IFNE: variants seen among roughly 807,000 people sequenced by gnomAD.
The protein encoded by IFNE is interferon epsilon.
For synonymous variants in IFNE, 94 were observed against 87.4 expected, an observed-to-expected ratio of 1.08 and a Z score of -0.42; for missense variants, 276 against 232.4, an observed-to-expected ratio of 1.19 and a Z score of -1.22.
rs1459670436 is a variant in IFNE, at chr9:21,481,210, G to T, written c.485C>A (p.Thr162Asn). Residue 162 changes from threonine to asparagine, a missense_variant, in exon 1 of 1, where the codon ACC becomes AAC. Thr to Asn is a moderately conservative substitution (Grantham distance 65). Transcript: ENST00000448696. ...TACTTGGACAATGGCCCAGGCACAG[G>T]TGCTGTAGTCCTGGTTTTCCAGGTA... ...HDYLENQDYSTCAWAIVQVEI... is the reference protein window; with the variant it reads ...HDYLENQDYSNCAWAIVQVEI... 7 of 1,614,012 alleles carry T rather than the reference G, an allele frequency of 4.3e-6. No homozygotes were observed. The highest frequency in any genetic ancestry group is 3.3e-5 in the South Asian group (3 of 91,086).
Position 21,481,557 on chromosome 9 carries a change from T to G in IFNE, c.138A>C (p.Gln46His), listed in dbSNP as rs1125488. The change falls in exon 1 of 1, where the codon CAA becomes CAC. Residue 46 changes from glutamine to histidine, a missense_variant. By Grantham distance (24) the Gln-to-His change is conservative. Coordinates refer to ENST00000448696, the MANE Select transcript of IFNE (RefSeq NM_176891.5). The part of the protein sequence containing the change: ...QESLKLLNKL[Q>H]TLSIQQCLPH... ...GTAGACACTGCTGAATTGACAAGGT[T>G]TGCAACTTATTCAAGAGTTTTAAAC... 0.069 allele frequency: 111,231 copies of G among 1,613,856 alleles called. 4,211 individuals carry two copies. The highest frequency in any genetic ancestry group is 0.12 in the Admixed American group (6,955 of 60,024).
In IFNE at chr9:21,480,983, A is replaced by C. The variant is rs1288609914; in HGVS notation, c.*85T>G. 1.8e-6 allele frequency: 2 copies of C among 1,105,462 alleles called. No homozygotes were observed. The highest frequency in any genetic ancestry group is 2.4e-5 in the Admixed American group (1 of 41,258). 68.5% of individuals were successfully genotyped at this position (1,105,462 alleles called of 1,614,324 possible). A position where few individuals can be genotyped will look rare whatever the true frequency, so the allele number is the denominator to read the frequency against. The stretch of plus-strand genomic sequence containing the variant: ...AACACAGATAAATATATATATACAC[A>C]AAATCAAAGCAATGTGATTGTACTA... On this transcript the variant is annotated 3_prime_UTR_variant, in exon 1 of 1. Coordinates refer to ENST00000448696, the MANE Select transcript of IFNE (RefSeq NM_176891.5).
chr9:21,481,845 AT>A lies in IFNE; in HGVS notation c.-152del, dbSNP rs1455907285. On this transcript the variant is annotated 5_prime_UTR_variant, in exon 1 of 1. It adds an upstream start codon to the 5' untranslated region. Coordinates refer to ENST00000448696, the MANE Select transcript of IFNE (RefSeq NM_176891.5). ...TAATGTCATTTCTCCAAGTTTACAC[AT>A]TAGATTTTCAGGTTCCCTTTTCATG... The A allele has an allele frequency of 2.8e-6, 2 of 705,452 alleles. No homozygotes were observed. The highest frequency in any genetic ancestry group is 3.6e-5 in the African/African-American group (2 of 55,272). 43.7% of individuals were successfully genotyped at this position (705,452 alleles called of 1,614,324 possible). A position where few individuals can be genotyped will look rare whatever the true frequency, so the allele number is the denominator to read the frequency against.
chr9:21,481,493 T>C lies in IFNE; in HGVS notation c.202A>G (p.Ser68Gly), dbSNP rs1190766122. 2 of 1,614,000 alleles carry C rather than the reference T, an allele frequency of 1.2e-6. No homozygotes were observed. Among genetic ancestry groups the C allele is most frequent in the Admixed American group, 1.7e-5 (1 of 60,004 alleles). Reference sequence around the variant, plus strand: ...TGTCCTTTTTGGTACTGCTGAGGACTCAAAGACTTCTGAGGAAGCAGAAAG... The same window carrying C: ...TGTCCTTTTTGGTACTGCTGAGGACCCAAAGACTTCTGAGGAAGCAGAAAG... ...KNFLLPQKSL[S>G]PQQYQKGHTL... Residue 68 changes from serine (S) to glycine (G), a missense_variant, in exon 1 of 1, where the codon AGT becomes GGT. Physicochemically the swap from Ser to Gly is moderately conservative, Grantham distance 56 (BLOSUM62 0). Transcript: ENST00000448696.
rs960847236 is a variant in IFNE at position 21,481,661 on chromosome 9, C to G, written c.34G>C (p.Val12Leu). 2 of 1,613,506 alleles carry G rather than the reference C, an allele frequency of 1.2e-6. No homozygotes were observed. The highest frequency in any genetic ancestry group is 1.7e-5 in the Admixed American group (1 of 59,968). ...IIKHFFGTVL[V>L]LLASTTIFSL... ...AAGATAGTGGTAGAGGCCAGCAGCACCAACACAGTTCCAAAGAAGTGCTTG... is the reference window on the plus strand; with the variant it reads ...AAGATAGTGGTAGAGGCCAGCAGCAGCAACACAGTTCCAAAGAAGTGCTTG... Residue 12 changes from valine to leucine, a missense_variant, in exon 1 of 1, where the codon GTG becomes CTG. Physicochemically the swap from Val to Leu is conservative, Grantham distance 32. Coordinates refer to ENST00000448696, the MANE Select transcript of IFNE (RefSeq NM_176891.5).
rs150786828 is a variant in IFNE, at chr9:21,481,209, G to C, written c.486C>G (p.Thr162=). Residue 162 remains threonine (T), a synonymous_variant, in exon 1 of 1, where the codon ACC becomes ACG. Coordinates refer to ENST00000448696, the MANE Select transcript of IFNE (RefSeq NM_176891.5). ...HDYLENQDYS[T]CAWAIVQVEI... ...CTACTTGGACAATGGCCCAGGCACAGGTGCTGTAGTCCTGGTTTTCCAGGT... is the reference window on the plus strand; with the variant it reads ...CTACTTGGACAATGGCCCAGGCACACGTGCTGTAGTCCTGGTTTTCCAGGT... 1 of 1,614,154 alleles carries C rather than the reference G, an allele frequency of 6.2e-7. No individual in the cohort carries two copies. Among genetic ancestry groups the C allele is most frequent in the Admixed American group, 1.7e-5 (1 of 60,026 alleles).
Position 21,480,968 on chromosome 9 carries a change from A to AAT in IFNE, c.*98_*99dup, listed in dbSNP as rs1489487285. Reference sequence around the variant, plus strand: ...TATGCACAATCTTAAAACACAGATAAATATATATATACACAAAATCAAAGC... The same window carrying AAT: ...TATGCACAATCTTAAAACACAGATAAATATATATATATACACAAAATCAAAGC... On this transcript the variant is annotated 3_prime_UTR_variant, in exon 1 of 1. Transcript: ENST00000448696. 29 of 935,628 alleles carry AAT rather than the reference A, an allele frequency of 3.1e-5. No homozygotes were observed. Among genetic ancestry groups the AAT allele is most frequent in the East Asian group, 9.9e-5 (4 of 40,348 alleles). 58.0% of individuals were successfully genotyped at this position (935,628 alleles called of 1,614,324 possible). A position where few individuals can be genotyped will look rare whatever the true frequency, so the allele number is the denominator to read the frequency against.
In IFNE at chr9:21,481,271, A is replaced by G. The variant is rs1285591420; in HGVS notation, c.424T>C (p.Leu142=). 2 of 1,614,096 alleles carry G rather than the reference A, an allele frequency of 1.2e-6. No homozygotes were observed. The highest frequency in any genetic ancestry group is 1.3e-5 in the African/African-American group (1 of 75,036). ...CTTCGGAAGTACATTTTAACTTGTA[A>G]TCTAAGGTTATCACTACCCAAAGTA... ...SGTLGSDNLR[L]QVKMYFRRIH... The change falls in exon 1 of 1, where the codon TTA becomes CTA. Residue 142 remains leucine (L), a synonymous_variant. Transcript: ENST00000448696.
chr9:21,481,195 A>G lies in IFNE; in HGVS notation c.500T>C (p.Ile167Thr). Reference protein sequence around the residue: ...NQDYSTCAWAIVQVEISRCLF... With the variant: ...NQDYSTCAWATVQVEISRCLF... The stretch of plus-strand genomic sequence containing the variant: ...ACATCGGCTGATTTCTACTTGGACA[A>G]TGGCCCAGGCACAGGTGCTGTAGTC... The change falls in exon 1 of 1, where the codon ATT (isoleucine) becomes ACT (threonine). Residue 167 changes from isoleucine to threonine, a missense_variant. Coordinates refer to ENST00000448696, the MANE Select transcript of IFNE (RefSeq NM_176891.5). 6.2e-7 allele frequency: 1 copy of G among 1,614,156 alleles called. No individual in the cohort carries two copies. Among genetic ancestry groups the G allele is most frequent in the East Asian group, 2.2e-5 (1 of 44,882 alleles).
At position 21,480,975 on chromosome 9, in the gene IFNE, A is replaced by G; in HGVS notation, c.*93T>C. The G allele has an allele frequency of 2.0e-6, 2 of 984,468 alleles. No homozygotes were observed. Among genetic ancestry groups the G allele is most frequent in the South Asian group, 1.7e-5 (1 of 59,474 alleles). The allele number at this position is 984,468 out of a possible 1,614,324, so 61.0% of individuals were successfully genotyped here. On this transcript the variant is annotated 3_prime_UTR_variant, in exon 1 of 1. Transcript: ENST00000448696. ...AATCTTAAAACACAGATAAATATAT[A>G]TATACACAAAATCAAAGCAATGTGA...
In IFNE at chr9:21,481,218, G is replaced by T. The variant is rs1315819808; in HGVS notation, c.477C>A (p.Asp159Glu). 1 of 1,614,166 alleles carries T rather than the reference G, an allele frequency of 6.2e-7. No individual in the cohort carries two copies. The highest frequency in any genetic ancestry group is 1.1e-5 in the South Asian group (1 of 91,084). ...CAATGGCCCAGGCACAGGTGCTGTAGTCCTGGTTTTCCAGGTAATCATGGA... is the reference window on the plus strand; with the variant it reads ...CAATGGCCCAGGCACAGGTGCTGTATTCCTGGTTTTCCAGGTAATCATGGA... ...RRIHDYLENQ[D>E]YSTCAWAIVQ... The change falls in exon 1 of 1, where the codon GAC becomes GAA. Residue 159 changes from aspartate to glutamate, a missense_variant. Transcript: ENST00000448696.
At chr9:21,481,494 C>CA in the IFNE span, 1 of 1,614,062 alleles carries the variant, frequency 6.2e-7, no homozygotes, top group Admixed American at 1.7e-5. Context: ...GCTGAGGACT[C>CA]AAAGACTTCT....
chr9:21,481,560 C>T lies in IFNE; in HGVS notation c.135G>A (p.Leu45=), dbSNP rs1398246736. ...GACACTGCTGAATTGACAAGGTTTG[C>T]AACTTATTCAAGAGTTTTAAACTTT... is the stretch of plus-strand genomic sequence containing the variant. ...NQESLKLLNK[L]QTLSIQQCLP... is the part of the protein sequence containing the mutation. Residue 45 remains leucine (L), a synonymous_variant, in exon 1 of 1, where the codon TTG becomes TTA. Transcript: ENST00000448696. 9 of 1,614,126 alleles carry T rather than the reference C, an allele frequency of 5.6e-6. No homozygotes were observed. The highest frequency in any genetic ancestry group is 7.6e-6 in the Non-Finnish European group (9 of 1,180,010).
Position 21,480,855 on chromosome 9 carries a change from T to C in IFNE, c.*213A>G, listed in dbSNP as rs916546885. 1 of 441,298 alleles carries C rather than the reference T, an allele frequency of 2.3e-6. No homozygotes were observed. Among genetic ancestry groups the C allele is most frequent in the Non-Finnish European group, 4.0e-6 (1 of 252,458 alleles). 27.3% of individuals were successfully genotyped at this position (441,298 alleles called of 1,614,324 possible). On this transcript the variant is annotated 3_prime_UTR_variant, in exon 1 of 1. Transcript: ENST00000448696. The stretch of plus-strand genomic sequence containing the variant: ...ATACACCCATTTGAAGAATCAACCA[T>C]ATTAATGAATTTATTTTGACATACA...
Position 21,481,788 on chromosome 9 carries a change from GGA to G in IFNE, c.-96_-95del. ...CCTTTCATGCATCTCAGATTATTTT[GGA>G]GAGTGTTCTCTTTTGTTGCTTTCGT... is the stretch of plus-strand genomic sequence containing the variant. On this transcript the variant is annotated 5_prime_UTR_variant, in exon 1 of 1. The change abolishes the stop of an existing upstream ORF in the 5' untranslated region. Transcript: ENST00000448696. 8.7e-7 allele frequency: 1 copy of G among 1,154,762 alleles called. No individual in the cohort carries two copies. Among genetic ancestry groups the G allele is most frequent in the Non-Finnish European group, 1.2e-6 (1 of 809,644 alleles). The allele number at this position is 1,154,762 out of a possible 1,614,324, so 71.5% of individuals were successfully genotyped here.
rs921860445 is a variant in IFNE at position 21,481,648 on chromosome 9, G to A, written c.47C>T (p.Ser16Phe). Residue 16 changes from serine (S) to phenylalanine (F), a missense_variant, in exon 1 of 1, where the codon TCT becomes TTT. By Grantham distance (155) the Ser-to-Phe change is radical. Coordinates refer to ENST00000448696, the MANE Select transcript of IFNE (RefSeq NM_176891.5). ...FFGTVLVLLASTTIFSLDLKL... is the reference protein window; with the variant it reads ...FFGTVLVLLAFTTIFSLDLKL... ...CAAATCTAGAGAGAAGATAGTGGTA[G>A]AGGCCAGCAGCACCAACACAGTTCC... 1 of 1,613,876 alleles carries A rather than the reference G, an allele frequency of 6.2e-7. No individual in the cohort carries two copies. Among genetic ancestry groups the A allele is most frequent in the African/African-American group, 1.3e-5 (1 of 74,930 alleles).
At position 21,481,744 on chromosome 9, in the gene IFNE, C is replaced by T. The variant is rs1195664605; in HGVS notation, c.-50G>A. ...TCCCTGCATAGACTTAGGGAAATTC[C>T]AGCTCTAGTGAATGTTTGCCTTTCA... On this transcript the variant is annotated 5_prime_UTR_variant, in exon 1 of 1. Transcript: ENST00000448696. The T allele has an allele frequency of 6.6e-7, 1 of 1,506,370 alleles. No individual in the cohort carries two copies. Among genetic ancestry groups the T allele is most frequent in the Non-Finnish European group, 9.0e-7 (1 of 1,114,680 alleles). 93.3% of individuals were successfully genotyped at this position (1,506,370 alleles called of 1,614,324 possible). A position where few individuals can be genotyped will look rare whatever the true frequency, so the allele number is the denominator to read the frequency against.
At position 21,481,593 on chromosome 9, in the gene IFNE, C is replaced by G; in HGVS notation, c.102G>C (p.Val34=). Reference sequence around the variant, plus strand: ...TCAAGAGTTTTAAACTTTCTTGATTCACTTGTCTTTGCTGGAAGATAATCA... The same window carrying G: ...TCAAGAGTTTTAAACTTTCTTGATTGACTTGTCTTTGCTGGAAGATAATCA... ...LKLIIFQQRQ[V]NQESLKLLNK... Residue 34 remains valine (V), a synonymous_variant, in exon 1 of 1, where the codon GTG becomes GTC. Coordinates refer to ENST00000448696, the MANE Select transcript of IFNE (RefSeq NM_176891.5). The G allele has an allele frequency of 6.2e-7, 1 of 1,614,076 alleles. No individual in the cohort carries two copies. The highest frequency in any genetic ancestry group is 8.5e-7 in the Non-Finnish European group (1 of 1,179,974).
In IFNE at chr9:21,481,512, C is replaced by G; in HGVS notation, c.183G>C (p.Leu61=). The change falls in exon 1 of 1, where the codon CTG becomes CTC. Residue 61 remains leucine, a synonymous_variant. Coordinates refer to ENST00000448696, the MANE Select transcript of IFNE (RefSeq NM_176891.5). ...QQCLPHRKNF[L]LPQKSLSPQQ... ...GAGGACTCAAAGACTTCTGAGGAAG[C>G]AGAAAGTTTTTCCTGTGTGGTAGAC... 6.2e-7 allele frequency: 1 copy of G among 1,614,054 alleles called. No homozygotes were observed. Among genetic ancestry groups the G allele is most frequent in the Non-Finnish European group, 8.5e-7 (1 of 1,179,970 alleles).
Sources: gnomAD v4.1 joint callset for allele counts on GRCh38, gnomAD v4.1.1 for gene constraint, MANE v1.5 for transcripts, NCBI Gene and HGNC (gene_info 2026-07-23, HGNC 2026-07-21) for gene names.